Variants in NAV3 observed in about 807,000 individuals in gnomAD.
The protein encoded by NAV3 is pore membrane and/or filament interacting like protein 1.
NAV3 carries 87 observed loss-of-function variants against 244.7 expected under a neutral mutation model. The ratio of observed to expected loss-of-function variants is 0.36; its 90% CI spans 0.30 to 0.42. The LOEUF is 0.42. NAV3 is among the 20% of genes least tolerant of loss of function. NAV3 has a pLI of 1.00. For missense variants in NAV3, 2,663 were observed against 2,893.3 expected (o/e 0.92, Z 1.83); for synonymous variants, 1,126 against 1,042.2 (o/e 1.08, Z -1.55).
At chr12:78,071,552 A>G (rs551469457) in intron 12 of NAV3, among the ~76,000 whole-genome samples, 1 of 152,078 alleles carries the variant, frequency 6.6e-6, no homozygotes, top group African/African-American at 2.4e-5. Flanking sequence ...GAAGCTCTTT[A>G]GTTTAATTAG....
chr12:78,092,929 C>T (rs1954041352), intron 12 of NAV3, among the ~76,000 whole-genome samples: 1 of 150,158 alleles, frequency 6.7e-6, no homozygotes, highest in Non-Finnish European at 1.5e-5. Context: ...ATGTATGTAA[C>T]TTGGCTTTCA....
At chr12:78,063,529 A>C (rs758958880) in intron 12 of NAV3, among the ~76,000 whole-genome samples, 2 of 152,170 alleles carry the variant, frequency 1.3e-5, no homozygotes, top group Non-Finnish European at 2.9e-5. Flanking sequence ...CTGTCATCAT[A>C]GTAGCACCTT....
chr12:78,021,770 C>T lies in NAV3; in HGVS notation c.1931C>T (p.Thr644Ile), dbSNP rs541136398. The change falls in exon 9 of 40, where the codon ACC (threonine) becomes ATC (isoleucine). Residue 644 changes from threonine to isoleucine, a missense_variant. By Grantham distance (89) the Thr-to-Ile change is moderately conservative. Coordinates refer to ENST00000397909, the MANE Select transcript of NAV3 (RefSeq NM_001024383.2). ...IYRAHSENEG[T>I]ALPSADSCTS... Reference sequence around the variant, plus strand: ...AGGGCACATTCAGAAAATGAAGGTACCGCTTTACCATCGGCTGACTCCTGT... The same window carrying T: ...AGGGCACATTCAGAAAATGAAGGTATCGCTTTACCATCGGCTGACTCCTGT... 2 of 1,607,908 alleles carry T rather than the reference C, an allele frequency of 1.2e-6. No homozygotes were observed. Among genetic ancestry groups the T allele is most frequent in the Non-Finnish European group, 8.5e-7 (1 of 1,176,426 alleles).
intron 39 of NAV3, among the ~76,000 whole-genome samples, chr12:78,208,438 TGTGGGGAAGAA>T (rs1277922913): frequency 1.3e-5 from 2 of 152,164 alleles, no homozygotes; most frequent in African/African-American, 2.4e-5. Flanking sequence ...TAGCAGTGAG[TGTGGGGAAGAA>T]GTGGGGAAGA....
intron 5 of NAV3, among the ~76,000 whole-genome samples, chr12:77,982,948 C>T (rs1373679747): frequency 6.6e-6 from 1 of 152,108 alleles, no homozygotes; most frequent in African/African-American, 2.4e-5. Context: ...CAGCTTCAAG[C>T]CCACTCAGAC....
intron 36 of NAV3, 140 bp from the exon 37 acceptor site, chr12:78,199,195 G>A: frequency 1.3e-6 from 1 of 756,192 alleles, no homozygotes; most frequent in South Asian, 1.6e-5. Context: ...ATCATGAAAA[G>A]GTGGCCACCA....
chr12:78,149,887 G>A (rs420019), intron 22 of NAV3, among the ~76,000 whole-genome samples: 106,130 of 151,884 alleles, frequency 0.7, 37,359 homozygotes, highest in African/African-American at 0.75. Flanking sequence ...TATAAATTCT[G>A]AGTATGTGTA....
intron 11 of NAV3, among the ~76,000 whole-genome samples, chr12:78,057,916 A>G (rs183364021): frequency 7.7e-4 from 117 of 152,276 alleles, no homozygotes; most frequent in African/African-American, 2.7e-3. Context: ...TTTCCAAACA[A>G]TCATTTAAAA....
intron 2 of NAV3, among the ~76,000 whole-genome samples, chr12:77,627,694 A>G (rs1419231327): frequency 6.6e-6 from 1 of 152,232 alleles, no homozygotes; most frequent in Non-Finnish European, 1.5e-5. Context: ...TCCAAAGGAA[A>G]GGAAATCAGC....
chr12:77,670,970 T>C (rs1032901634), intron 2 of NAV3, among the ~76,000 whole-genome samples: 3 of 151,970 alleles, frequency 2.0e-5, no homozygotes, highest in East Asian at 1.9e-4. Flanking sequence ...ATAAAGGACA[T>C]CCAGATAAGT....
At chr12:77,976,364 TA>T (rs1868372727) in intron 5 of NAV3, among the ~76,000 whole-genome samples, 1 of 152,066 alleles carries the variant, frequency 6.6e-6, no homozygotes, top group Admixed American at 6.5e-5. Context: ...AATCTGTACA[TA>T]GTTGAAGAAG....
chr12:77,696,457 C>G (rs1875304305), intron 2 of NAV3, among the ~76,000 whole-genome samples: 1 of 152,110 alleles, frequency 6.6e-6, no homozygotes, highest in African/African-American at 2.4e-5. Context: ...TTGCCAATAA[C>G]CATATGCGTT....
intron 24 of NAV3, among the ~76,000 whole-genome samples, chr12:78,169,205 G>A (rs537890483): frequency 8.6e-5 from 13 of 151,590 alleles, no homozygotes; most frequent in African/African-American, 3.1e-4. Flanking sequence ...CTGACTTCAG[G>A]CAAAACAAAC....
At chr12:77,938,454 C>T (rs1178637852) in intron 1 of NAV3, among the ~76,000 whole-genome samples, 2 of 152,032 alleles carry the variant, frequency 1.3e-5, no homozygotes, top group Non-Finnish European at 2.9e-5. Flanking sequence ...CAATTTTGCT[C>T]TCACATATAT....
chr12:77,671,464 T>G (rs1426724464), intron 2 of NAV3, among the ~76,000 whole-genome samples: 1 of 152,064 alleles, frequency 6.6e-6, no homozygotes, highest in African/African-American at 2.4e-5. Flanking sequence ...AAAGCAAGAC[T>G]AAGCAAAAAT....
chr12:77,678,648 T>C (rs1022698927), intron 2 of NAV3, among the ~76,000 whole-genome samples: 3 of 152,196 alleles, frequency 2.0e-5, no homozygotes, highest in Non-Finnish European at 4.4e-5. Context: ...ACCAGCTCAA[T>C]TGTAGGAAGG....
intron 2 of NAV3, among the ~76,000 whole-genome samples, chr12:77,732,665 C>A (rs954761601): frequency 2.0e-5 from 3 of 151,972 alleles, no homozygotes; most frequent in African/African-American, 7.2e-5. Context: ...TCCCATTTTG[C>A]AAATGGTAAC....
rs1872556837 is a variant in NAV3 at position 77,997,487 on chromosome 12, C to G, written c.741-850C>G. Among the ~76,000 whole-genome samples, 5 of 152,288 alleles carry G rather than the reference C, an allele frequency of 3.3e-5. No homozygotes were observed. The South Asian group carries it at 1.0e-3, about 32-fold the overall frequency. On this transcript the variant is annotated intron_variant, in intron 6 of 39. Coordinates refer to ENST00000397909, the MANE Select transcript of NAV3 (RefSeq NM_001024383.2). The stretch of plus-strand genomic sequence containing the variant: ...ATAAAGCAGCAGTAAGTTACTACCT[C>G]CAGTCAAACCACCTCTAATTATAAG...
chr12:78,133,700 T>G (rs1956259841), intron 18 of NAV3, among the ~76,000 whole-genome samples: 1 of 152,172 alleles, frequency 6.6e-6, no homozygotes, highest in South Asian at 2.1e-4. Context: ...ATGGTTCGTG[T>G]GTCGTTCCCA....
Sources: gnomAD v4.1 joint callset for allele counts (sites outside exome capture counted in the v4.1 genomes callset) on GRCh38, gnomAD v4.1.1 for gene constraint, MANE v1.5 for transcripts, NCBI Gene and HGNC (gene_info 2026-07-23, HGNC 2026-07-21) for gene names.